The following GALNT16 variants were observed in gnomAD, a reference collection of about 807,000 sequenced individuals.
GALNT16 encodes UDP-GalNAc:polypeptide N-acetylgalactosaminyltransferase-like protein 1.
In GALNT16, 40 loss-of-function variants were observed where a neutral mutation model predicts 76.1. The ratio of observed to expected loss-of-function variants is 0.53; its 90% CI spans 0.41 to 0.68. The LOEUF is 0.68. GALNT16 is among the 30% of genes least tolerant of loss of function. GALNT16 has a pLI of 0.00. For missense variants in GALNT16, 621 were observed against 731.9 expected, an observed-to-expected ratio of 0.85 and a Z score of 1.75; for synonymous variants, 276 against 285.2, an observed-to-expected ratio of 0.97 and a Z score of 0.32.
chr14:69,385,239 A>AAT, the GALNT16 span, among the ~76,000 whole-genome samples: 1 of 152,184 alleles, frequency 6.6e-6, no homozygotes, highest in East Asian at 1.9e-4. Flanking sequence ...CCATGATCAC[A>AAT]ATGACTGATT....
intron 1 of GALNT16, among the ~76,000 whole-genome samples, chr14:69,320,503 A>G (rs927009863): frequency 2.9e-5 from 4 of 135,654 alleles, no homozygotes; most frequent in South Asian, 2.3e-4. Flanking sequence ...AAAGAAAAAA[A>G]AAAGAAAAAA....
chr14:69,333,050 C>T lies in GALNT16; in HGVS notation c.779-35C>T. 6.7e-7 allele frequency: 1 copy of T among 1,489,362 alleles called. No homozygotes were observed. Among genetic ancestry groups the T allele is most frequent in the Non-Finnish European group, 9.4e-7 (1 of 1,066,124 alleles). 92.3% of individuals were successfully genotyped at this position (1,489,362 alleles called of 1,614,324 possible). A position where few individuals can be genotyped will look rare whatever the true frequency, so the allele number is the denominator to read the frequency against. On this transcript the variant is annotated intron_variant, in intron 7 of 14. Transcript: ENST00000448469. The surrounding 1 kb of genome is among the most constrained non-coding windows in gnomAD (Gnocchi z 4.2). ...GGGTCTCAGCAGCCCGCAGCTCTGC[C>T]CTGAGCTCTGTCCTCACCTTGCTGT...
chr14:69,320,150 T>A (rs1876510743), intron 1 of GALNT16, among the ~76,000 whole-genome samples: 3 of 152,192 alleles, frequency 2.0e-5, no homozygotes. Flanking sequence ...AATGACCAGT[T>A]TAAATCCAGA....
At chr14:69,362,088 G>A in the GALNT16 span, among the ~76,000 whole-genome samples, 238 of 152,336 alleles carry the variant, frequency 1.6e-3, 2 homozygotes, top group Admixed American at 5.8e-3. Flanking sequence ...ACAATGTCCC[G>A]TGATGTAGCT....
At chr14:69,323,305 G>A (rs1286446957) in intron 2 of GALNT16, among the ~76,000 whole-genome samples, 1 of 152,192 alleles carries the variant, frequency 6.6e-6, no homozygotes, top group Non-Finnish European at 1.5e-5. Flanking sequence ...TGGCTCCTGG[G>A]AGCCAGATAA....
intron 9 of GALNT16, among the ~76,000 whole-genome samples, chr14:69,335,406 C>A (rs142787892): frequency 2.0e-4 from 30 of 152,322 alleles, no homozygotes; most frequent in Non-Finnish European, 3.4e-4. Flanking sequence ...CCAAGTGACC[C>A]GCTTTGTGTC....
chr14:69,299,051 C>T (rs2044809905), intron 1 of GALNT16, among the ~76,000 whole-genome samples: 1 of 152,226 alleles, frequency 6.6e-6, no homozygotes, highest in Admixed American at 6.5e-5. Context: ...TAAGAAACAT[C>T]TGTGTGCAGT....
At chr14:69,259,982 C>T (rs2044237817), upstream of GALNT16, 2 of 250,930 alleles carry the variant, frequency 8.0e-6, no homozygotes, top group Admixed American at 5.4e-5. Flanking sequence ...CGCTTCTCTC[C>T]CAGTGCGCAG....
chr14:69,340,314 T>C (rs1388883443), intron 11 of GALNT16, among the ~76,000 whole-genome samples: 2 of 152,116 alleles, frequency 1.3e-5, no homozygotes, highest in African/African-American at 2.4e-5. Flanking sequence ...AAGTCCCTGA[T>C]ATAAAATAGT....
intron 2 of GALNT16, among the ~76,000 whole-genome samples, chr14:69,324,131 C>A (rs2045243878): frequency 6.6e-6 from 1 of 151,880 alleles, no homozygotes; most frequent in Non-Finnish European, 1.5e-5. Context: ...GGACCCAGTA[C>A]CCTGGGAGGA....
In GALNT16 at chr14:69,338,999, CT is replaced by C. The variant is rs374566867; in HGVS notation, c.1094+225del. 3.7e-4 allele frequency among the ~76,000 whole-genome samples: 57 copies of C among 152,166 alleles called. 1 individual carries two copies. In the South Asian group the frequency reaches 0.011, roughly 28 times the overall value. On this transcript the variant is annotated intron_variant, in intron 10 of 14. Transcript: ENST00000448469. The stretch of plus-strand genomic sequence containing the variant: ...TTGCCTTGAGACTCATATGGACTTC[CT>C]TTGTCCATATGAGTCTCGGAAAATT...
At chr14:69,286,891 A>G (rs1380450647) in intron 1 of GALNT16, among the ~76,000 whole-genome samples, 2 of 152,234 alleles carry the variant, frequency 1.3e-5, no homozygotes, top group African/African-American at 4.8e-5. Flanking sequence ...GTTTTAATAA[A>G]AAAAAGAAAG....
intron 1 of GALNT16, among the ~76,000 whole-genome samples, chr14:69,320,481 C>G (rs951033131): frequency 6.7e-6 from 1 of 148,184 alleles, no homozygotes; most frequent in Non-Finnish European, 1.5e-5. Flanking sequence ...GAATAAGACC[C>G]TGTGTCAAAA....
At chr14:69,327,062 G>A (rs2045295558) in intron 5 of GALNT16, among the ~76,000 whole-genome samples, 1 of 152,202 alleles carries the variant, frequency 6.6e-6, no homozygotes, top group Non-Finnish European at 1.5e-5. Context: ...AGGTTTTAGA[G>A]TAAGAGAGGG....
At chr14:69,379,498 G>A in the GALNT16 span, among the ~76,000 whole-genome samples, 1 of 152,178 alleles carries the variant, frequency 6.6e-6, no homozygotes, top group Non-Finnish European at 1.5e-5. Context: ...AACCAATCAT[G>A]AGCCTTCCAA....
chr14:69,276,266 A>G (rs1276779385), intron 1 of GALNT16, among the ~76,000 whole-genome samples: 1 of 152,260 alleles, frequency 6.6e-6, no homozygotes, highest in Non-Finnish European at 1.5e-5. Flanking sequence ...CAGCGCACTT[A>G]TGACAGTGAG....
chr14:69,260,014 G>T (rs1391863690), upstream of GALNT16: 2 of 355,394 alleles, frequency 5.6e-6, no homozygotes, highest in Non-Finnish European at 1.0e-5. Flanking sequence ...GTCAGCCGGC[G>T]GCGGCTGGAG....
chr14:69,326,417 A>G (rs1397153554), intron 5 of GALNT16, among the ~76,000 whole-genome samples: 1 of 152,228 alleles, frequency 6.6e-6, no homozygotes, highest in Non-Finnish European at 1.5e-5. Flanking sequence ...ACAGCGTGGC[A>G]TTGTGCATGG....
intron 1 of GALNT16, among the ~76,000 whole-genome samples, chr14:69,287,209 T>C (rs950441268): frequency 3.9e-5 from 6 of 152,230 alleles, no homozygotes; most frequent in Non-Finnish European, 7.3e-5. Context: ...TGAGCATCTT[T>C]TGTACAATTG....
Sources: gnomAD v4.1 joint callset for allele counts (sites outside exome capture counted in the v4.1 genomes callset) on GRCh38, gnomAD v4.1.1 for gene constraint, Gnocchi (gnomAD v3.1) non-coding constraint, MANE v1.5 for transcripts, NCBI Gene and HGNC (gene_info 2026-07-23, HGNC 2026-07-21) for gene names.